BMPR2: variants seen among roughly 807,000 people sequenced by gnomAD.
BMPR2 encodes the protein bone morphogenetic protein receptor type-2.
A neutral mutation model predicts 100.8 loss-of-function variants in BMPR2; 29 were observed. The observed-to-expected ratio is 0.29, with a 90% CI of 0.21 to 0.39. BMPR2 has a LOEUF of 0.39. Ranked by LOEUF, BMPR2 falls within the 10% of genes least tolerant of loss-of-function variation. BMPR2 has a pLI of 1.00. For missense variants in BMPR2, 1,011 were observed against 1,274.5 expected (o/e 0.79, Z 3.15); for synonymous variants, 382 against 442.3 (o/e 0.86, Z 1.71).
At chr2:202,403,657 T>C (rs184839253) in intron 1 of BMPR2, among the ~76,000 whole-genome samples, 475 of 152,330 alleles carry the variant, frequency 3.1e-3, no homozygotes, top group Non-Finnish European at 5.4e-3. Flanking sequence ...TTTTTATATT[T>C]TAAAAAGTTT....
rs558408038 is a variant in BMPR2 at position 202,434,250 on chromosome 2, A to C, written c.77-30559A>C. 5.3e-5 allele frequency among the ~76,000 whole-genome samples: 8 copies of C among 150,696 alleles called. No homozygotes were observed. In the South Asian group the frequency reaches 1.2e-3, roughly 23 times the overall value. ...TTGAAAAAATTAAAACAGATGAAAC[A>C]TGTCTTTACCAATATATCCTGAAGA... On this transcript the variant is annotated intron_variant, in intron 1 of 12. Coordinates refer to ENST00000374580, the MANE Select transcript of BMPR2 (RefSeq NM_001204.7).
chr2:202,524,810 A>T (rs961088414), intron 7 of BMPR2, among the ~76,000 whole-genome samples: 15 of 152,048 alleles, frequency 9.9e-5, no homozygotes, highest in African/African-American at 3.4e-4. Flanking sequence ...AGGCAGGTGG[A>T]TCACCTGAGG....
intron 1 of BMPR2, among the ~76,000 whole-genome samples, chr2:202,408,495 G>A (rs1246955417): frequency 1.3e-5 from 2 of 152,184 alleles, no homozygotes; most frequent in Non-Finnish European, 2.9e-5. Context: ...ATCTAGAGAG[G>A]AAACAAATCA....
chr2:202,420,551 T>A (rs1382256865), intron 1 of BMPR2, among the ~76,000 whole-genome samples: 3 of 139,038 alleles, frequency 2.2e-5, no homozygotes, highest in African/African-American at 8.1e-5. Flanking sequence ...TTTTTTTTTT[T>A]TTTTTTTTTT....
chr2:202,451,745 T>G (rs1449556669), intron 1 of BMPR2, among the ~76,000 whole-genome samples: 1 of 152,116 alleles, frequency 6.6e-6, no homozygotes, highest in Admixed American at 6.5e-5. Context: ...TTGTTTTGTT[T>G]TTTGTTGTTG....
intron 1 of BMPR2, among the ~76,000 whole-genome samples, chr2:202,379,406 C>T (rs1402736136): frequency 6.6e-6 from 1 of 152,198 alleles, no homozygotes; most frequent in South Asian, 2.1e-4. Flanking sequence ...TGTGCGCCCT[C>T]ACATACCACA....
intron 9 of BMPR2, among the ~76,000 whole-genome samples, chr2:202,541,775 T>C (rs749621223): frequency 1.3e-5 from 2 of 152,158 alleles, no homozygotes; most frequent in Non-Finnish European, 2.9e-5. Context: ...ACCATTTGAC[T>C]TATCAACAAA....
At chr2:202,449,681 G>T (rs1691938672) in intron 1 of BMPR2, among the ~76,000 whole-genome samples, 1 of 152,144 alleles carries the variant, frequency 6.6e-6, no homozygotes, top group African/African-American at 2.4e-5. Flanking sequence ...ACTGCTAGAG[G>T]AATTAAATGC....
intron 1 of BMPR2, among the ~76,000 whole-genome samples, chr2:202,405,835 A>T (rs1019602550): frequency 2.0e-5 from 3 of 152,168 alleles, no homozygotes; most frequent in African/African-American, 7.2e-5. Context: ...GCAAAGAAAA[A>T]TTAGAATTTT....
intron 1 of BMPR2, among the ~76,000 whole-genome samples, chr2:202,382,030 G>A (rs1214240135): frequency 1.3e-5 from 2 of 149,438 alleles, no homozygotes; most frequent in African/African-American, 4.9e-5. Flanking sequence ...ATAGATTGCT[G>A]TGCTGCTGGA....
intron 1 of BMPR2, among the ~76,000 whole-genome samples, chr2:202,431,133 GAA>G (rs2105931196): frequency 6.6e-6 from 1 of 150,686 alleles, no homozygotes; most frequent in African/African-American, 2.5e-5. Flanking sequence ...TTTTGGGAAA[GAA>G]ATTTTAAGTA....
At chr2:202,427,952 C>G (rs1370995410) in intron 1 of BMPR2, among the ~76,000 whole-genome samples, 1 of 152,122 alleles carries the variant, frequency 6.6e-6, no homozygotes, top group Non-Finnish European at 1.5e-5. Flanking sequence ...GTGCTCCAGC[C>G]TGGGTGACAG....
chr2:202,540,014 C>T (rs190104240), intron 9 of BMPR2, among the ~76,000 whole-genome samples: 194 of 152,248 alleles, frequency 1.3e-3, no homozygotes, highest in African/African-American at 4.5e-3. Context: ...CTTTGTATCT[C>T]TAATACCTAA....
In BMPR2 at chr2:202,390,018, G is replaced by A. The variant is rs28510539; in HGVS notation, c.76+12468G>A. On this transcript the variant is annotated intron_variant, in intron 1 of 12. Coordinates refer to ENST00000374580, the MANE Select transcript of BMPR2 (RefSeq NM_001204.7). The stretch of plus-strand genomic sequence containing the variant: ...AAGTATACAAAAAAAAAAAAAAATC[G>A]TCTCGTGTTTCCTTAATCCCATTTC... Among the ~76,000 whole-genome samples, 765 of 150,644 alleles carry A rather than the reference G, an allele frequency of 5.1e-3. 5 individuals carry two copies. Among genetic ancestry groups the A allele is most frequent in the African/African-American group, 0.018 (721 of 41,054 alleles).
In BMPR2 at chr2:202,556,544, A is replaced by G. The variant is rs1559074501; in HGVS notation, c.2866+13A>G. ...AGCAGTATACAGAGTAAGTGGAGGG[A>G]TCATATAATCTCTCCTGTGTGTCTT... is the stretch of plus-strand genomic sequence containing the variant. On this transcript the variant is annotated intron_variant, in intron 12 of 12. Transcript: ENST00000374580. 6.2e-7 allele frequency: 1 copy of G among 1,609,746 alleles called. No homozygotes were observed. Among genetic ancestry groups the G allele is most frequent in the South Asian group, 1.1e-5 (1 of 91,072 alleles).
At chr2:202,479,235 A>G (rs1240730012) in intron 3 of BMPR2, among the ~76,000 whole-genome samples, 1 of 152,180 alleles carries the variant, frequency 6.6e-6, no homozygotes, top group Non-Finnish European at 1.5e-5. Flanking sequence ...AGGTCAGCTA[A>G]CTTGCCAATA....
rs1211685033 is a variant in BMPR2 at position 202,564,387 on chromosome 2, C to T, written c.*4441C>T. On this transcript the variant is annotated 3_prime_UTR_variant, in exon 13 of 13. Transcript: ENST00000374580. ...CATCTAACTTCTTAAAGTTAAAATC[C>T]GGACACACATGTTGATTATCTAGAC... 2 of 152,112 alleles carry T rather than the reference C, an allele frequency of 1.3e-5. No individual in the cohort carries two copies. The highest frequency in any genetic ancestry group is 4.8e-5 in the African/African-American group (2 of 41,420). 9.4% of individuals were successfully genotyped at this position (152,112 alleles called of 1,614,324 possible). A position where few individuals can be genotyped will look rare whatever the true frequency, so the allele number is the denominator to read the frequency against.
intron 11 of BMPR2, 124 bp downstream of exon 11, chr2:202,553,012 T>A (rs1689723403): frequency 2.4e-6 from 3 of 1,260,528 alleles, no homozygotes; most frequent in Non-Finnish European, 3.3e-6. Flanking sequence ...CAATCTAAAG[T>A]TATCATTTTT....
chr2:202,382,203 G>A (rs1490890944), intron 1 of BMPR2, among the ~76,000 whole-genome samples: 11 of 151,874 alleles, frequency 7.2e-5, no homozygotes. Flanking sequence ...GGGATTATAG[G>A]TGTGCACCAT....
Sources: gnomAD v4.1 joint callset for allele counts (sites outside exome capture counted in the v4.1 genomes callset) on GRCh38, gnomAD v4.1.1 for gene constraint, MANE v1.5 for transcripts, NCBI Gene and HGNC (gene_info 2026-07-23, HGNC 2026-07-21) for gene names.